Variants in DLGAP2 observed in about 807,000 individuals in gnomAD.
DLGAP2 encodes the protein DLG associated protein 2.
DLGAP2 carries 26 observed loss-of-function variants against 100.3 expected under a neutral mutation model. The observed-to-expected ratio is 0.26, with a 90% CI of 0.19 to 0.36. The LOEUF (loss-of-function observed/expected upper bound fraction) is 0.36. DLGAP2 is among the 10% of genes least tolerant of loss of function. The pLI, the probability that DLGAP2 is intolerant of heterozygous loss-of-function variation, is 1.00. For synonymous variants in DLGAP2, 886 were observed against 630.1 expected (o/e 1.41, Z -6.08); for missense variants, 1,858 against 1,453.2 (o/e 1.28, Z -4.53).
chr8:905,785 C>G (rs897518655), intron 1 of DLGAP2, among the ~76,000 whole-genome samples: 1 of 152,146 alleles, frequency 6.6e-6, no homozygotes, highest in Non-Finnish European at 1.5e-5. Context: ...CAGACCATAG[C>G]TTGGGGTCCC....
intron 6 of DLGAP2, among the ~76,000 whole-genome samples, chr8:1,605,001 A>G (rs1291103651): frequency 6.6e-6 from 1 of 152,208 alleles, no homozygotes; most frequent in Non-Finnish European, 1.5e-5. Flanking sequence ...AAGATAGTGC[A>G]GTCGCTTTGT....
intron 3 of DLGAP2, among the ~76,000 whole-genome samples, chr8:1,498,884 C>G (rs1234306217): frequency 6.6e-6 from 1 of 152,204 alleles, no homozygotes; most frequent in Non-Finnish European, 1.5e-5. Context: ...GACACACATG[C>G]TGCATTAAGC....
intron 2 of DLGAP2, among the ~76,000 whole-genome samples, chr8:1,232,880 C>T (rs1280328718): frequency 6.6e-6 from 1 of 152,182 alleles, no homozygotes; most frequent in African/African-American, 2.4e-5. Context: ...GCAGCCATCG[C>T]CATAATCTAA....
intron 2 of DLGAP2, among the ~76,000 whole-genome samples, chr8:1,075,988 G>GT (rs1248651487): frequency 6.6e-6 from 1 of 152,174 alleles, no homozygotes; most frequent in Non-Finnish European, 1.5e-5. Context: ...ATTCTATGGG[G>GT]TTTTTCCAGA....
At chr8:796,503 C>A (rs1300611811) in intron 1 of DLGAP2, among the ~76,000 whole-genome samples, 2 of 152,166 alleles carry the variant, frequency 1.3e-5, no homozygotes, top group Non-Finnish European at 2.9e-5. Flanking sequence ...GAGGGTGTGG[C>A]CTGCTCTGTT....
At chr8:1,198,515 A>C (rs1797802034) in intron 2 of DLGAP2, among the ~76,000 whole-genome samples, 1 of 151,906 alleles carries the variant, frequency 6.6e-6, no homozygotes, top group Admixed American at 6.6e-5. Context: ...CATCCCCCAG[A>C]GCTCGGGGGA....
intron 6 of DLGAP2, among the ~76,000 whole-genome samples, chr8:1,583,858 C>T (rs1023680171): frequency 1.3e-5 from 2 of 152,198 alleles, no homozygotes; most frequent in Non-Finnish European, 2.9e-5. Flanking sequence ...GATCTGCCCC[C>T]GGAAAGCCTT....
intron 2 of DLGAP2, among the ~76,000 whole-genome samples, chr8:948,576 G>A (rs1799392437): frequency 1.3e-5 from 2 of 152,380 alleles, no homozygotes; most frequent in Admixed American, 6.5e-5. Flanking sequence ...AGAGGAAGGA[G>A]GTGAAGTAAG....
rs1366820231 is a variant in DLGAP2 at position 1,107,097 on chromosome 8, C to T, written c.74-151754C>T. Among the ~76,000 whole-genome samples, 4 of 152,278 alleles carry T rather than the reference C, an allele frequency of 2.6e-5. No homozygotes were observed. In the East Asian group the frequency reaches 5.8e-4, roughly 22 times the overall value. On this transcript the variant is annotated intron_variant, in intron 2 of 14. Coordinates refer to ENST00000637795, the MANE Select transcript of DLGAP2 (RefSeq NM_001346810.2). ...CAAAATGTGACTTTTGTGTGAGTTG[C>T]TCACCTGCGGGCGGTATCACACACG... is the stretch of plus-strand genomic sequence containing the variant.
Position 1,668,365 on chromosome 8 carries a change from C to T in DLGAP2, c.1847C>T (p.Pro616Leu), listed in dbSNP as rs370388753. The change falls in exon 9 of 15, where the codon CCG becomes CTG. Residue 616 changes from proline (P) to leucine (L), a missense_variant. Transcript: ENST00000637795. ...ACAAATTACAAGAAAACGCCCCCAC[C>T]GGTGCCCCCTCGGACCACCTCCAAG... is the stretch of plus-strand genomic sequence containing the variant. ...SYTNYKKTPPPVPPRTTSKPL... is the reference protein window; with the variant it reads ...SYTNYKKTPPLVPPRTTSKPL... 7.1e-6 allele frequency: 11 copies of T among 1,554,542 alleles called. No homozygotes were observed. Among genetic ancestry groups the T allele is most frequent in the Admixed American group, 2.1e-5 (1 of 48,532 alleles).
At chr8:1,494,039 C>T (rs1182269367) in intron 3 of DLGAP2, among the ~76,000 whole-genome samples, 3 of 96,444 alleles carry the variant, frequency 3.1e-5, no homozygotes, top group Admixed American at 1.2e-4. Context: ...TCCCATTCTG[C>T]ATCGGGGGGG....
At chr8:1,576,338 A>G (rs1415219807) in intron 6 of DLGAP2, among the ~76,000 whole-genome samples, 1 of 151,944 alleles carries the variant, frequency 6.6e-6, no homozygotes, top group Non-Finnish European at 1.5e-5. Flanking sequence ...TTGTAAATTT[A>G]TTTGAGTTCT....
At chr8:885,480 G>C (rs969145920) in intron 1 of DLGAP2, among the ~76,000 whole-genome samples, 7 of 152,196 alleles carry the variant, frequency 4.6e-5, no homozygotes, top group African/African-American at 1.7e-4. Flanking sequence ...TTTGTATCCT[G>C]AGACTTTGCT....
At chr8:1,504,767 G>T (rs576841791) in intron 4 of DLGAP2, among the ~76,000 whole-genome samples, 77 of 152,202 alleles carry the variant, frequency 5.1e-4, no homozygotes, top group African/African-American at 1.4e-3. Context: ...TTCTTTGTCT[G>T]TGCCTCTGCT....
At chr8:1,257,675 A>T (rs1799256210) in intron 2 of DLGAP2, among the ~76,000 whole-genome samples, 1 of 151,244 alleles carries the variant, frequency 6.6e-6, no homozygotes, top group Non-Finnish European at 1.5e-5. Context: ...TGTCTTTCTG[A>T]GGGCCCGTGC....
intron 6 of DLGAP2, among the ~76,000 whole-genome samples, chr8:1,601,954 G>A (rs1255729316): frequency 6.6e-6 from 1 of 151,104 alleles, no homozygotes; most frequent in African/African-American, 2.4e-5. Flanking sequence ...GGGTGTGTGT[G>A]TGTGTGTGTG....
chr8:1,421,953 G>A (rs780837979), intron 3 of DLGAP2, among the ~76,000 whole-genome samples: 17 of 152,084 alleles, frequency 1.1e-4, no homozygotes, highest in Non-Finnish European at 2.2e-4. Context: ...GCGACAAAGT[G>A]AGACTCCATC....
At chr8:1,228,327 A>G (rs1798464833) in intron 2 of DLGAP2, among the ~76,000 whole-genome samples, 1 of 152,246 alleles carries the variant, frequency 6.6e-6, no homozygotes, top group African/African-American at 2.4e-5. Context: ...CAAGCTAACT[A>G]TGCCAAAGGA....
chr8:957,304 G>T (rs1370784872), intron 2 of DLGAP2, among the ~76,000 whole-genome samples: 1 of 152,234 alleles, frequency 6.6e-6, no homozygotes, highest in African/African-American at 2.4e-5. Flanking sequence ...CCCTGGAAGA[G>T]GAGCCAGGGA....
Sources: gnomAD v4.1 joint callset for allele counts (sites outside exome capture counted in the v4.1 genomes callset) on GRCh38, gnomAD v4.1.1 for gene constraint, MANE v1.5 for transcripts, NCBI Gene and HGNC (gene_info 2026-07-23, HGNC 2026-07-21) for gene names.